ZNF316: variants seen among roughly 807,000 people sequenced by gnomAD.
The protein encoded by ZNF316 is zinc finger protein 316.
Under a neutral mutation model 75.6 loss-of-function variants are expected in ZNF316, and 23 were observed. That is an observed-to-expected ratio of 0.30 (90% CI 0.22 to 0.43). The LOEUF (loss-of-function observed/expected upper bound fraction) is 0.43, where lower values mean the gene tolerates loss of function less well. ZNF316 is among the 20% of genes least tolerant of loss of function. The probability of loss-of-function intolerance (pLI) is 1.00; values close to 1 mark genes in which losing one functional copy is unlikely to be tolerated. For synonymous variants in ZNF316, 827 were observed against 666.2 expected, an observed-to-expected ratio of 1.24 and a Z score of -3.72; for missense variants, 1,266 against 1,409.4, an observed-to-expected ratio of 0.90 and a Z score of 1.63.
rs1430323168 is a variant in ZNF316 at position 6,656,246 on chromosome 7, C to A, written c.*1635C>A. On this transcript the variant is annotated 3_prime_UTR_variant, in exon 9 of 9. Coordinates refer to ENST00000382252, the MANE Select transcript of ZNF316 (RefSeq NM_001278559.2). Reference sequence around the variant, plus strand: ...GGGTAATGACCTCGGCCCTGGGTTTCTCCTCTCCCTGCGGGACAGGAGCCT... The same window carrying A: ...GGGTAATGACCTCGGCCCTGGGTTTATCCTCTCCCTGCGGGACAGGAGCCT... The A allele has an allele frequency of 6.6e-6, 1 of 152,262 alleles. No individual in the cohort carries two copies. The highest frequency in any genetic ancestry group is 2.4e-5 in the African/African-American group (1 of 41,410). The allele number at this position is 152,262 out of a possible 1,614,324, so 9.4% of individuals were successfully genotyped here. A position where few individuals can be genotyped will look rare whatever the true frequency, so the allele number is the denominator to read the frequency against.
rs777141140 is a variant in ZNF316 at position 6,654,798 on chromosome 7, G to T, written c.*187G>T. Reference sequence around the variant, plus strand: ...GGTCCGTGTGCTCAGCCGGAGACGTGGGGGAGCTCTGGGGAGAAGAGCAGC... The same window carrying T: ...GGTCCGTGTGCTCAGCCGGAGACGTTGGGGAGCTCTGGGGAGAAGAGCAGC... On this transcript the variant is annotated 3_prime_UTR_variant, in exon 9 of 9. Transcript: ENST00000382252. The T allele has an allele frequency of 9.2e-6, 4 of 432,796 alleles. No individual in the cohort carries two copies. Among genetic ancestry groups the T allele is most frequent in the Non-Finnish European group, 1.4e-5 (4 of 285,326 alleles). 26.8% of individuals were successfully genotyped at this position (432,796 alleles called of 1,614,324 possible).
At position 6,645,701 on chromosome 7, in the gene ZNF316, TA is replaced by T. The variant is rs200054983; in HGVS notation, c.706+1118del. On this transcript the variant is annotated intron_variant, in intron 8 of 8. Transcript: ENST00000382252. ...TCTGTCTCAAAAATTAAAAAAGAAA[TA>T]AAAAAAAAATAGGCTAGGTGCGGTG... Among the ~76,000 whole-genome samples the T allele has an allele frequency of 8.8e-3, 995 of 112,916 alleles. 9 individuals carry two copies. The highest frequency in any genetic ancestry group is 0.031 in the African/African-American group (923 of 29,736). 74.1% of individuals were successfully genotyped at this position (112,916 alleles called of 152,430 possible). A position where few individuals can be genotyped will look rare whatever the true frequency, so the allele number is the denominator to read the frequency against.
rs1006609200 is a variant in ZNF316, at chr7:6,658,054, T to G, written c.*3443T>G. On this transcript the variant is annotated 3_prime_UTR_variant, in exon 9 of 9. Transcript: ENST00000382252. ...TGGCACTTAGAGGGTCCCTCAGCCC[T>G]GAGCGTCACTTTCCCCTCCATCTAC... Among the ~76,000 whole-genome samples, 1 of 152,152 alleles carries G rather than the reference T, an allele frequency of 6.6e-6. No homozygotes were observed. The highest frequency in any genetic ancestry group is 2.4e-5 in the African/African-American group (1 of 41,442).
rs1779602221 is a variant in ZNF316 at position 6,655,328 on chromosome 7, T to TGAA, written c.*719_*721dup. 6.6e-6 allele frequency: 1 copy of TGAA among 152,300 alleles called. No individual in the cohort carries two copies. Among genetic ancestry groups the TGAA allele is most frequent in the African/African-American group, 2.4e-5 (1 of 41,442 alleles). 9.4% of individuals were successfully genotyped at this position (152,300 alleles called of 1,614,324 possible). On this transcript the variant is annotated 3_prime_UTR_variant, in exon 9 of 9. Coordinates refer to ENST00000382252, the MANE Select transcript of ZNF316 (RefSeq NM_001278559.2). Reference sequence around the variant, plus strand: ...GTGTTGACAGGGTCCTGAGGGAGTTTGAAGCCTTATTCTCGAGCCGCCTCC... The same window carrying TGAA: ...GTGTTGACAGGGTCCTGAGGGAGTTTGAAGAAGCCTTATTCTCGAGCCGCCTCC...
At position 6,642,825 on chromosome 7, in the gene ZNF316, G is replaced by A. The variant is rs1222072796; in HGVS notation, c.355+61G>A. The A allele has an allele frequency of 8.1e-6, 10 of 1,232,022 alleles. No homozygotes were observed. The East Asian group carries it at 2.8e-4, about 35-fold the overall frequency. The allele number at this position is 1,232,022 out of a possible 1,614,324, so 76.3% of individuals were successfully genotyped here. On this transcript the variant is annotated intron_variant, in intron 5 of 8. Coordinates refer to ENST00000382252, the MANE Select transcript of ZNF316 (RefSeq NM_001278559.2). This position sits in a 1 kb window ranked among gnomAD's most constrained non-coding sequence, Gnocchi z 8.1. ...GGGGGCTGAGGTGGGCCAGGCCAGG[G>A]ACCTGGTCAAGCCAGGAGGGCTCTT...
At chr7:6,644,094 ACCCCATGGCCCCTG>A in intron 7 of ZNF316, 146 bp downstream of exon 7, 3 of 911,472 alleles carry the variant, frequency 3.3e-6, no homozygotes, top group Non-Finnish European at 4.3e-6. Flanking sequence ...AAGCCCTAGG[ACCCCATGGCCCCTG>A]GGTGGGGCGG....
chr7:6,639,450 AG>A lies in ZNF316; in HGVS notation c.-167+312del, dbSNP rs1382645000. ...GTGAGTGCTGTGAGGGAAGAATTAC[AG>A]GGAACTGTGTCACCCACTGGGGCCC... On this transcript the variant is annotated intron_variant, in intron 3 of 8. Transcript: ENST00000382252. This position sits in a 1 kb window ranked among gnomAD's most constrained non-coding sequence, Gnocchi z 4.2. Among the ~76,000 whole-genome samples, 18 of 152,288 alleles carry A rather than the reference AG, an allele frequency of 1.2e-4. No homozygotes were observed. The highest frequency in any genetic ancestry group is 3.4e-3 in the Middle Eastern group (1 of 294).
rs747347808 is a variant in ZNF316 at position 6,657,831 on chromosome 7, C to CAAAA, written c.*3243_*3246dup. 5.8e-4 allele frequency among the ~76,000 whole-genome samples: 16 copies of CAAAA among 27,720 alleles called. 1 individual carries two copies. The highest frequency in any genetic ancestry group is 1.8e-3 in the African/African-American group (11 of 6,264). The allele number at this position is 27,720 out of a possible 152,430, so 18.2% of individuals were successfully genotyped here. A position where few individuals can be genotyped will look rare whatever the true frequency, so the allele number is the denominator to read the frequency against. On this transcript the variant is annotated 3_prime_UTR_variant, in exon 9 of 9. Transcript: ENST00000382252. ...GTGACAGAACAAGACCCTATCTCAC[C>CAAAA]AAAAAAAAAAAAAAAAAAAAAAAAA...
Position 6,639,715 on chromosome 7 carries a change from G to A in ZNF316, c.-167+574G>A, listed in dbSNP as rs374768147. Among the ~76,000 whole-genome samples, 1 of 152,228 alleles carries A rather than the reference G, an allele frequency of 6.6e-6. No homozygotes were observed. The highest frequency in any genetic ancestry group is 2.4e-5 in the African/African-American group (1 of 41,466). On this transcript the variant is annotated intron_variant, in intron 3 of 8. Coordinates refer to ENST00000382252, the MANE Select transcript of ZNF316 (RefSeq NM_001278559.2). This position sits in a 1 kb window ranked among gnomAD's most constrained non-coding sequence, Gnocchi z 4.2. ...GAGCTTGGCATGGCACCTAGGCCCA[G>A]CCTGAATCTGCGGCCTGAGGCTTGA...
rs1277148523 is a variant in ZNF316, at chr7:6,652,459, C to G, written c.863C>G (p.Ser288Trp). Residue 288 changes from serine to tryptophan, a missense_variant, in exon 9 of 9, where the codon TCG (serine) becomes TGG (tryptophan). By Grantham distance (177) the Ser-to-Trp change is radical. Transcript: ENST00000382252. The stretch of plus-strand genomic sequence containing the variant: ...CCTGGGACGTGGGGGCCCGACGACT[C>G]GGATTCGGCGCAGACTCCAGAGGGG... ...DVPGTWGPDD[S>W]DSAQTPEGWG... is the part of the protein sequence containing the mutation. 18 of 1,231,684 alleles carry G rather than the reference C, an allele frequency of 1.5e-5. No individual in the cohort carries two copies. The highest frequency in any genetic ancestry group is 1.8e-5 in the Non-Finnish European group (18 of 987,808). The allele number at this position is 1,231,684 out of a possible 1,614,324, so 76.3% of individuals were successfully genotyped here. A position where few individuals can be genotyped will look rare whatever the true frequency, so the allele number is the denominator to read the frequency against.
intron 8 of ZNF316, among the ~76,000 whole-genome samples, chr7:6,646,907 C>T (rs1287231182): frequency 6.6e-6 from 1 of 152,158 alleles, no homozygotes; most frequent in Non-Finnish European, 1.5e-5. Flanking sequence ...TCTGGCACTG[C>T]CCTGATCAGG....
At chr7:6,643,696 C>T (rs921737743) in intron 6 of ZNF316, 126 bp from the exon 7 acceptor site, 29 of 861,466 alleles carry the variant, frequency 3.4e-5, no homozygotes, top group Non-Finnish European at 4.3e-5. Context: ...GGCCTGAAAG[C>T]CCTCAGTGCC....
Position 6,653,060 on chromosome 7 carries a change from C to G in ZNF316, c.1464C>G (p.Pro488=), listed in dbSNP as rs1779540693. 2 of 1,212,906 alleles carry G rather than the reference C, an allele frequency of 1.6e-6. No individual in the cohort carries two copies. The highest frequency in any genetic ancestry group is 3.4e-5 in the East Asian group (1 of 29,478). The allele number at this position is 1,212,906 out of a possible 1,614,324, so 75.1% of individuals were successfully genotyped here. A position where few individuals can be genotyped will look rare whatever the true frequency, so the allele number is the denominator to read the frequency against. ...CGGCCGACCGCCCGCACTGCTGTCC[C>G]GACTGCGGCCAGGCCTTCCGCCTGC... ...VHTADRPHCC[P]DCGQAFRLRA... The change falls in exon 9 of 9, where the codon CCC becomes CCG. Residue 488 remains proline (P), a synonymous_variant. Transcript: ENST00000382252.
In ZNF316 at chr7:6,640,755, G is replaced by A. The variant is rs1663644654; in HGVS notation, c.-166-1070G>A. Among the ~76,000 whole-genome samples the A allele has an allele frequency of 6.6e-6, 1 of 152,220 alleles. No homozygotes were observed. The highest frequency in any genetic ancestry group is 2.4e-5 in the African/African-American group (1 of 41,468). ...TGGTGGGAGGGGATTGGCCCATGGA[G>A]GCGGATCCCTCATGAATGGTCTAGC... On this transcript the variant is annotated intron_variant, in intron 3 of 8. Coordinates refer to ENST00000382252, the MANE Select transcript of ZNF316 (RefSeq NM_001278559.2). This position sits in a 1 kb window ranked among gnomAD's most constrained non-coding sequence, Gnocchi z 5.1.
In ZNF316 at chr7:6,653,108, A is replaced by G; in HGVS notation, c.1512A>G (p.Arg504=). Residue 504 remains arginine (R), a synonymous_variant, in exon 9 of 9, where the codon CGA becomes CGG. Transcript: ENST00000382252. ...TGCGCGCCGACTTCCAGCGCCACCG[A>G]CGCGGCGGGGGCTGCGCGGAGGCGG... ...FRLRADFQRH[R]RGGGCAEAGG... 6.0e-6 allele frequency: 7 copies of G among 1,171,370 alleles called. No homozygotes were observed. The highest frequency in any genetic ancestry group is 7.4e-6 in the Non-Finnish European group (7 of 950,112). 72.6% of individuals were successfully genotyped at this position (1,171,370 alleles called of 1,614,324 possible).
At chr7:6,650,143 C>T (rs530837043) in intron 8 of ZNF316, among the ~76,000 whole-genome samples, 1 of 152,350 alleles carries the variant, frequency 6.6e-6, no homozygotes, top group South Asian at 2.1e-4. Context: ...GCATCAGAGC[C>T]TCAGGGTGAG....
intron 8 of ZNF316, among the ~76,000 whole-genome samples, chr7:6,650,348 T>C (rs371334553): frequency 5.1e-4 from 77 of 152,310 alleles, no homozygotes; most frequent in African/African-American, 1.8e-3. Flanking sequence ...CTCAACTTAG[T>C]GACAAGAAAC....
In ZNF316 at chr7:6,637,694, G is replaced by A. The variant is rs2115303813; in HGVS notation, c.-430-152G>A. ...GGCCTGCGCGTTGCCGACCCCCGGG[G>A]CCGGTCCGGGCAGGAGGCGGAGGGG... On this transcript the variant is annotated intron_variant, in intron 1 of 8. Coordinates refer to ENST00000382252, the MANE Select transcript of ZNF316 (RefSeq NM_001278559.2). The surrounding 1 kb of genome is among the most constrained non-coding windows in gnomAD (Gnocchi z 6.2). Among the ~76,000 whole-genome samples the A allele has an allele frequency of 6.6e-6, 1 of 151,632 alleles. No homozygotes were observed. The highest frequency in any genetic ancestry group is 1.9e-4 in the East Asian group (1 of 5,136).
rs1456934763 is a variant in ZNF316 at position 6,637,461 on chromosome 7, G to C, written c.-431+14G>C. The stretch of plus-strand genomic sequence containing the variant: ...CCGGCCCGCGCGGTGAGTGGGTCTC[G>C]CGGGGCCGGTGGGCGGCGGCGCGGG... On this transcript the variant is annotated intron_variant, in intron 1 of 8. Transcript: ENST00000382252. The surrounding 1 kb of genome is among the most constrained non-coding windows in gnomAD (Gnocchi z 6.2). 1.4e-5 allele frequency: 2 copies of C among 146,432 alleles called. No homozygotes were observed. Among genetic ancestry groups the C allele is most frequent in the African/African-American group, 2.5e-5 (1 of 40,720 alleles). The allele number at this position is 146,432 out of a possible 1,614,324, so 9.1% of individuals were successfully genotyped here. A position where few individuals can be genotyped will look rare whatever the true frequency, so the allele number is the denominator to read the frequency against.
Sources: allele counts gnomAD v4.1 joint callset (sites outside exome capture counted in the v4.1 genomes callset), GRCh38; gene constraint gnomAD v4.1.1; non-coding constraint Gnocchi (gnomAD v3.1); transcripts MANE v1.5; gene names NCBI Gene and HGNC (gene_info 2026-07-23, HGNC 2026-07-21).